RCAN1: variants seen among roughly 807,000 people sequenced by gnomAD.
The protein encoded by RCAN1 is calcipressin-1.
RCAN1 carries 11 observed loss-of-function variants against 22.9 expected under a neutral mutation model. The observed-to-expected ratio is 0.48, with a 90% confidence interval of 0.30 to 0.79. The LOEUF is 0.79. Ranked by LOEUF, RCAN1 falls within the 30% of genes least tolerant of loss-of-function variation. The pLI is 0.06. For synonymous variants in RCAN1, 136 were observed against 142.3 expected (o/e 0.96, Z 0.32); for missense variants, 291 against 337.8 (o/e 0.86, Z 1.09).
chr21:34,574,088 C>G (rs1987325652), intron 1 of RCAN1, among the ~76,000 whole-genome samples: 1 of 152,268 alleles, frequency 6.6e-6, no homozygotes, highest in East Asian at 1.9e-4. Flanking sequence ...CCAAATGAAG[C>G]CTACTATGAA....
At chr21:34,589,440 T>A (rs886767356) in intron 1 of RCAN1, among the ~76,000 whole-genome samples, 1 of 152,170 alleles carries the variant, frequency 6.6e-6, no homozygotes, top group Non-Finnish European at 1.5e-5. Flanking sequence ...AGGTAAAGGA[T>A]GCTAATTTTC....
chr21:34,597,794 A>G (rs757909165), intron 1 of RCAN1, among the ~76,000 whole-genome samples: 11 of 152,242 alleles, frequency 7.2e-5, no homozygotes, highest in Non-Finnish European at 1.3e-4. Flanking sequence ...ATGCAAAAGA[A>G]TCAACTATTA....
At chr21:34,532,973 T>TG (rs550706993) in intron 1 of RCAN1, among the ~76,000 whole-genome samples, 44 of 151,732 alleles carry the variant, frequency 2.9e-4, no homozygotes, top group Non-Finnish European at 5.4e-4. Context: ...CTTTTTTTTT[T>TG]TTTTTGAGAC....
chr21:34,549,547 C>T (rs143160113), intron 1 of RCAN1, among the ~76,000 whole-genome samples: 178 of 152,210 alleles, frequency 1.2e-3, no homozygotes, highest in Non-Finnish European at 2.1e-3. Context: ...CTCTCACAGC[C>T]AGAGTGGTGC....
intron 1 of RCAN1, among the ~76,000 whole-genome samples, chr21:34,604,247 C>T (rs1045503034): frequency 6.6e-6 from 1 of 152,188 alleles, no homozygotes; most frequent in African/African-American, 2.4e-5. Context: ...TCTCCTGCCT[C>T]AGCCTCCCGA....
chr21:34,598,610 T>A (rs1988236530), intron 1 of RCAN1, among the ~76,000 whole-genome samples: 1 of 152,198 alleles, frequency 6.6e-6, no homozygotes, highest in South Asian at 2.1e-4. Context: ...CTCCTATACA[T>A]CTTGGCCTAG....
At chr21:34,594,995 G>A (rs971486879) in intron 1 of RCAN1, among the ~76,000 whole-genome samples, 2 of 152,204 alleles carry the variant, frequency 1.3e-5, no homozygotes, top group Non-Finnish European at 2.9e-5. Flanking sequence ...ACATGGGCAA[G>A]TTACTTCACC....
intron 1 of RCAN1, among the ~76,000 whole-genome samples, chr21:34,607,830 G>C (rs780201418): frequency 6.6e-6 from 1 of 152,234 alleles, no homozygotes; most frequent in Non-Finnish European, 1.5e-5. Flanking sequence ...TCCATGGCCT[G>C]TTAGGAAGCG....
chr21:34,546,373 G>A (rs1986138237), intron 1 of RCAN1, among the ~76,000 whole-genome samples: 1 of 137,814 alleles, frequency 7.3e-6, no homozygotes, highest in Non-Finnish European at 1.6e-5. Context: ...TTACTTATTA[G>A]TTTTTTTTTT....
At position 34,526,879 on chromosome 21, in the gene RCAN1, T is replaced by C; in HGVS notation, c.253-3169A>G. 3.4e-6 allele frequency: 5 copies of C among 1,451,128 alleles called. No individual in the cohort carries two copies. The South Asian group carries it at 5.7e-5, about 17-fold the overall frequency. The allele number at this position is 1,451,128 out of a possible 1,614,324, so 89.9% of individuals were successfully genotyped here. On this transcript the variant is annotated intron_variant, in intron 1 of 3. Coordinates refer to ENST00000313806, the MANE Select transcript of RCAN1 (RefSeq NM_004414.7). ...GCAGTAAGGGCCAGCCCCCACTCCC[T>C]GGGGAAAAAAAAAGTGCAGCTTCCA...
chr21:34,518,823 G>A lies in RCAN1; in HGVS notation c.587-567C>T, dbSNP rs542384804. ...TTCCTTAGAACAACTTCTAATCCCC[G>A]GGACCAGGAGTGTCCTGCTGTTCTA... On this transcript the variant is annotated intron_variant, in intron 3 of 3. Coordinates refer to ENST00000313806, the MANE Select transcript of RCAN1 (RefSeq NM_004414.7). The surrounding 1 kb of genome is among the most constrained non-coding windows in gnomAD (Gnocchi z 4.2). Among the ~76,000 whole-genome samples, 12 of 152,260 alleles carry A rather than the reference G, an allele frequency of 7.9e-5. No individual in the cohort carries two copies. In the South Asian group the frequency reaches 1.2e-3, roughly 16 times the overall value.
At chr21:34,522,482 G>T (rs1344090566) in intron 2 of RCAN1, 2 of 152,180 alleles carry the variant, frequency 1.3e-5, no homozygotes, top group African/African-American at 2.4e-5. Context: ...ACACAGGAAG[G>T]CCTAGGCACC....
chr21:34,539,192 G>A (rs1192313426), intron 1 of RCAN1, among the ~76,000 whole-genome samples: 1 of 152,190 alleles, frequency 6.6e-6, no homozygotes, highest in Non-Finnish European at 1.5e-5. Context: ...CCTCATGGCT[G>A]TGGGCAAACA....
chr21:34,586,770 T>G (rs1987813025), intron 1 of RCAN1, among the ~76,000 whole-genome samples: 1 of 152,126 alleles, frequency 6.6e-6, no homozygotes. Context: ...CTGGCCAACA[T>G]GGCGAAACCC....
rs900736148 is a variant in RCAN1 at position 34,577,542 on chromosome 21, T to G, written c.252+37218A>C. ...TGAGTCCAGGTGGTAGAGGCTACAG[T>G]GAGCTGTGATCATGCCACTGCATTC... On this transcript the variant is annotated intron_variant, in intron 1 of 3. Transcript: ENST00000313806. Among the ~76,000 whole-genome samples the G allele has an allele frequency of 2.4e-4, 36 of 152,222 alleles. No individual in the cohort carries two copies. The East Asian group carries it at 5.0e-3, about 21-fold the overall frequency.
chr21:34,519,914 G>C (rs1472363235), intron 3 of RCAN1, among the ~76,000 whole-genome samples: 3 of 152,122 alleles, frequency 2.0e-5, no homozygotes, highest in Admixed American at 6.5e-5. Flanking sequence ...CACTGAAAAA[G>C]GCAAAGGAGC....
intron 1 of RCAN1, among the ~76,000 whole-genome samples, chr21:34,528,671 G>T (rs1985208364): frequency 6.6e-6 from 1 of 152,158 alleles, no homozygotes; most frequent in Admixed American, 6.5e-5. Flanking sequence ...CTCCAGAGGG[G>T]CTTGGAACTT....
At chr21:34,570,362 T>A (rs2123681461) in intron 1 of RCAN1, among the ~76,000 whole-genome samples, 1 of 152,330 alleles carries the variant, frequency 6.6e-6, no homozygotes, top group African/African-American at 2.4e-5. Context: ...TAGAGTGATT[T>A]GCTTCTGCAT....
At chr21:34,528,818 C>T (rs1211504452) in intron 1 of RCAN1, among the ~76,000 whole-genome samples, 1 of 152,218 alleles carries the variant, frequency 6.6e-6, no homozygotes, top group Non-Finnish European at 1.5e-5. Flanking sequence ...GCTGATTTCA[C>T]TGTCTTCTTT....
Sources: allele counts gnomAD v4.1 joint callset (sites outside exome capture counted in the v4.1 genomes callset), GRCh38; gene constraint gnomAD v4.1.1; non-coding constraint Gnocchi (gnomAD v3.1); transcripts MANE v1.5; gene names NCBI Gene and HGNC (gene_info 2026-07-23, HGNC 2026-07-21).